The following PTPRT variants were observed in gnomAD, a reference collection of about 807,000 sequenced individuals.
PTPRT encodes the protein receptor-type tyrosine-protein phosphatase T.
A neutral mutation model predicts 176.8 loss-of-function variants in PTPRT; 56 were observed. The observed-to-expected ratio is 0.32, with a 90% CI of 0.26 to 0.40. The LOEUF is 0.40. Among genes scored for constraint, PTPRT ranks in the 10% least tolerant of loss-of-function variants. The pLI, the probability that PTPRT is intolerant of heterozygous loss-of-function variation, is 1.00. For missense variants in PTPRT, 1,540 were observed against 1,908.2 expected (o/e 0.81, Z 3.60); for synonymous variants, 783 against 739.0 (o/e 1.06, Z -0.96).
intron 11 of PTPRT, among the ~76,000 whole-genome samples, chr20:42,324,890 G>A (rs186652286): frequency 3.9e-4 from 60 of 152,306 alleles, no homozygotes; most frequent in Non-Finnish European, 7.2e-4. Flanking sequence ...GTGTACATTC[G>A]GCAGATTAGT....
At chr20:42,427,023 T>C (rs1426824650) in intron 9 of PTPRT, among the ~76,000 whole-genome samples, 1 of 152,150 alleles carries the variant, frequency 6.6e-6, no homozygotes, top group Non-Finnish European at 1.5e-5. Context: ...CTGGGCTCCA[T>C]TTATAAATAT....
intron 9 of PTPRT, among the ~76,000 whole-genome samples, chr20:42,411,323 C>T (rs997593078): frequency 1.3e-5 from 2 of 151,752 alleles, no homozygotes; most frequent in Non-Finnish European, 2.9e-5. Context: ...TTGAGACCAG[C>T]CTGGCCAACT....
intron 7 of PTPRT, among the ~76,000 whole-genome samples, chr20:42,553,117 T>C (rs1318133261): frequency 6.6e-6 from 1 of 152,162 alleles, no homozygotes; most frequent in Non-Finnish European, 1.5e-5. Flanking sequence ...GAACTTGCAA[T>C]GACGCATGTA....
chr20:42,148,359 A>G (rs1239105569), intron 17 of PTPRT, among the ~76,000 whole-genome samples: 4 of 150,924 alleles, frequency 2.7e-5, no homozygotes, highest in Non-Finnish European at 5.9e-5. Flanking sequence ...CTCAAAAGTC[A>G]GATTTGGAAG....
intron 15 of PTPRT, among the ~76,000 whole-genome samples, chr20:42,203,459 C>T (rs970074344): frequency 1.3e-5 from 2 of 152,146 alleles, no homozygotes; most frequent in Non-Finnish European, 2.9e-5. Flanking sequence ...ACATCAACTA[C>T]CTCCTCCCAC....
At chr20:42,655,386 G>T (rs1490542400) in intron 7 of PTPRT, among the ~76,000 whole-genome samples, 1 of 152,200 alleles carries the variant, frequency 6.6e-6, no homozygotes. Context: ...AGCTACTTGG[G>T]AGGCTGAGGC....
At chr20:42,480,595 T>C (rs2071368188) in intron 7 of PTPRT, among the ~76,000 whole-genome samples, 1 of 152,188 alleles carries the variant, frequency 6.6e-6, no homozygotes. Flanking sequence ...GTGAAACTGA[T>C]GCTAGGGGGA....
At chr20:42,110,221 T>TATC (rs1244137196) in intron 23 of PTPRT, 112 bp downstream of exon 23, 3 of 1,015,632 alleles carry the variant, frequency 3.0e-6, no homozygotes, top group Non-Finnish European at 2.7e-6. Context: ...TAAGTTTTTG[T>TATC]ATCTTTCTTT....
intron 15 of PTPRT, among the ~76,000 whole-genome samples, chr20:42,217,954 T>C (rs1467812077): frequency 6.6e-6 from 1 of 152,214 alleles, no homozygotes; most frequent in African/African-American, 2.4e-5. Context: ...AGGTGAGGAA[T>C]TCAGGGCCCA....
intron 5 of PTPRT, among the ~76,000 whole-genome samples, chr20:42,767,979 C>CAG (rs750941966): frequency 2.5e-5 from 1 of 39,608 alleles, no homozygotes; most frequent in Non-Finnish European, 5.1e-5. Flanking sequence ...TAAAATTATA[C>CAG]ACACACACAC....
intron 1 of PTPRT, among the ~76,000 whole-genome samples, chr20:43,163,520 C>A (rs1034892487): frequency 1.2e-4 from 19 of 152,144 alleles, no homozygotes; most frequent in Admixed American, 6.5e-5. Flanking sequence ...CGCCTATAGT[C>A]CCAGCTACTC....
the PTPRT span, among the ~76,000 whole-genome samples, chr20:42,035,134 A>G: frequency 1.3e-5 from 2 of 152,144 alleles, no homozygotes; most frequent in African/African-American, 4.8e-5. Context: ...GAGATCTGCT[A>G]AGTCCACATT....
At chr20:42,502,876 C>A (rs2145422448) in intron 7 of PTPRT, among the ~76,000 whole-genome samples, 1 of 152,176 alleles carries the variant, frequency 6.6e-6, no homozygotes. Context: ...TAGATGATTG[C>A]AAACTGCTTA....
chr20:42,253,714 C>T (rs2056587597), intron 13 of PTPRT, among the ~76,000 whole-genome samples: 1 of 152,088 alleles, frequency 6.6e-6, no homozygotes, highest in Admixed American at 6.5e-5. Flanking sequence ...ATGTGATAAC[C>T]AAAAATAATC....
chr20:42,350,230 T>G (rs866078312), intron 11 of PTPRT, among the ~76,000 whole-genome samples: 1,766 of 78,512 alleles, frequency 0.022, 76 homozygotes, highest in African/African-American at 0.085. Flanking sequence ...TTTTTTTTTT[T>G]TTTTTTTTTT....
chr20:42,812,590 CT>C (rs1320192933), intron 2 of PTPRT, among the ~76,000 whole-genome samples: 2 of 152,058 alleles, frequency 1.3e-5, no homozygotes, highest in African/African-American at 2.4e-5. Context: ...AACACATTCT[CT>C]TTTGATTTGC....
intron 7 of PTPRT, among the ~76,000 whole-genome samples, chr20:42,505,689 G>A (rs2071832171): frequency 6.6e-6 from 1 of 152,118 alleles, no homozygotes; most frequent in African/African-American, 2.4e-5. Context: ...GTCATAGAAG[G>A]AGGGTGAGTT....
At chr20:42,185,926 T>C (rs1398174963) in intron 16 of PTPRT, among the ~76,000 whole-genome samples, 1 of 152,064 alleles carries the variant, frequency 6.6e-6, no homozygotes, top group Non-Finnish European at 1.5e-5. Context: ...AAAAACATGG[T>C]CCTCCTTTCT....
intron 13 of PTPRT, among the ~76,000 whole-genome samples, chr20:42,259,453 G>A (rs1260106667): frequency 3.3e-5 from 5 of 152,190 alleles, no homozygotes; most frequent in Non-Finnish European, 7.3e-5. Context: ...CCGTTGGTGA[G>A]CTGGAAATCC....
Sources: allele counts gnomAD v4.1 joint callset (sites outside exome capture counted in the v4.1 genomes callset), GRCh38; gene constraint gnomAD v4.1.1; transcripts MANE v1.5; gene names NCBI Gene and HGNC (gene_info 2026-07-23, HGNC 2026-07-21).